Variants in SLC44A5 observed in about 807,000 individuals in gnomAD.
The protein encoded by SLC44A5 is solute carrier family 44 member 5.
In SLC44A5, 57 loss-of-function variants were observed where a neutral mutation model predicts 101.8. That is an observed-to-expected ratio of 0.56 (90% CI 0.45 to 0.70). The LOEUF (loss-of-function observed/expected upper bound fraction) is 0.70, where lower values mean the gene tolerates loss of function less well. Ranked by LOEUF, SLC44A5 falls within the 30% of genes least tolerant of loss-of-function variation. SLC44A5 has a pLI of 0.00. For missense variants in SLC44A5, 737 were observed against 853.1 expected, an observed-to-expected ratio of 0.86 and a Z score of 1.70; for synonymous variants, 281 against 290.9, an observed-to-expected ratio of 0.97 and a Z score of 0.35.
chr1:75,357,083 C>A, intron 3 of SLC44A5: 1 of 414,538 alleles, frequency 2.4e-6, no homozygotes. Context: ...CTCAACTCTT[C>A]TCCTAAGAAC....
intron 2 of SLC44A5, among the ~76,000 whole-genome samples, chr1:75,504,433 A>G (rs1290117621): frequency 6.6e-6 from 1 of 152,090 alleles, no homozygotes; most frequent in Non-Finnish European, 1.5e-5. Context: ...TCATATAATG[A>G]TGTGTATATT....
intron 12 of SLC44A5, among the ~76,000 whole-genome samples, chr1:75,232,662 C>A (rs1219469015): frequency 6.6e-6 from 1 of 152,022 alleles, no homozygotes; most frequent in Non-Finnish European, 1.5e-5. Flanking sequence ...AACAATAACC[C>A]AATGCATACT....
At chr1:75,642,188 C>G in the SLC44A5 span, 1 of 621,050 alleles carries the variant, frequency 1.6e-6, no homozygotes, top group Non-Finnish European at 2.7e-6. Context: ...TGTTAGCTGA[C>G]ACACAGGTCT....
At chr1:75,398,169 A>G (rs1440109042) in intron 2 of SLC44A5, among the ~76,000 whole-genome samples, 1 of 152,160 alleles carries the variant, frequency 6.6e-6, no homozygotes, top group Non-Finnish European at 1.5e-5. Context: ...TGTTCCGAAT[A>G]CATTTTTAAA....
intron 8 of SLC44A5, among the ~76,000 whole-genome samples, chr1:75,242,574 A>T (rs1364700416): frequency 1.3e-5 from 2 of 152,086 alleles, no homozygotes; most frequent in Non-Finnish European, 2.9e-5. Flanking sequence ...CGAAATGGTG[A>T]TTGCAAATGA....
intron 2 of SLC44A5, among the ~76,000 whole-genome samples, chr1:75,537,375 C>T (rs2101940456): frequency 6.6e-6 from 1 of 152,190 alleles, no homozygotes; most frequent in African/African-American, 2.4e-5. Flanking sequence ...CTACTGAGTC[C>T]ATTTCTTTTG....
Position 75,431,003 on chromosome 1 carries a change from C to T in SLC44A5, c.14-34382G>A, listed in dbSNP as rs181910324. Reference sequence around the variant, plus strand: ...AGCAGCAATGGACACTACAATAAAGCGATGAATCTTTACCAGTGATTAAGA... The same window carrying T: ...AGCAGCAATGGACACTACAATAAAGTGATGAATCTTTACCAGTGATTAAGA... On this transcript the variant is annotated intron_variant, in intron 2 of 23. Coordinates refer to ENST00000370859, the MANE Select transcript of SLC44A5 (RefSeq NM_001130058.2). 3.3e-5 allele frequency among the ~76,000 whole-genome samples: 5 copies of T among 152,194 alleles called. No homozygotes were observed. The East Asian group carries it at 9.7e-4, about 29-fold the overall frequency.
chr1:75,607,229 T>C (rs1424530763), intron 1 of SLC44A5, among the ~76,000 whole-genome samples: 3 of 152,072 alleles, frequency 2.0e-5, no homozygotes, highest in Non-Finnish European at 4.4e-5. Context: ...CTTCTCTTAG[T>C]TGTTTAGGTC....
At chr1:75,681,953 A>G in the SLC44A5 span, among the ~76,000 whole-genome samples, 4 of 152,206 alleles carry the variant, frequency 2.6e-5, no homozygotes, top group Non-Finnish European at 5.9e-5. Context: ...AAGCATTCCT[A>G]TACACCAACA....
At chr1:75,567,785 G>A (rs1274338501) in intron 1 of SLC44A5, among the ~76,000 whole-genome samples, 1 of 152,212 alleles carries the variant, frequency 6.6e-6, no homozygotes, top group Non-Finnish European at 1.5e-5. Flanking sequence ...ACAAAGGCCA[G>A]TTACGAGATT....
At chr1:75,219,671 G>A (rs1006200222) in intron 15 of SLC44A5, 129 bp downstream of exon 15, 1 of 637,978 alleles carries the variant, frequency 1.6e-6, no homozygotes, top group Non-Finnish European at 2.8e-6. Flanking sequence ...TTTAGAGCTT[G>A]GGAAAAAAAT....
the SLC44A5 span, among the ~76,000 whole-genome samples, chr1:75,685,195 A>C: frequency 6.6e-6 from 1 of 152,298 alleles, no homozygotes; most frequent in African/African-American, 2.4e-5. Context: ...GCCACAAAGC[A>C]CTGGGCCTAG....
intron 3 of SLC44A5, among the ~76,000 whole-genome samples, chr1:75,353,426 GA>G (rs1011675067): frequency 1.1e-4 from 16 of 152,272 alleles, no homozygotes; most frequent in Admixed American, 3.3e-4. Context: ...TCGAATTTAA[GA>G]GAGTCAACTT....
At chr1:75,330,544 G>C (rs1376484975) in intron 4 of SLC44A5, among the ~76,000 whole-genome samples, 2 of 152,054 alleles carry the variant, frequency 1.3e-5, no homozygotes, top group African/African-American at 4.8e-5. Context: ...TCTGGACTCT[G>C]TCTTTAGGAC....
chr1:75,537,033 A>AATATATATATATATATATATATAT (rs61399659), intron 2 of SLC44A5, among the ~76,000 whole-genome samples: 2 of 43,044 alleles, frequency 4.6e-5, no homozygotes, highest in African/African-American at 1.1e-4. Context: ...AAAAAAAAAA[A>AATATATATATATATATATATATAT]ATATATATCT....
rs144411827 is a variant in SLC44A5, at chr1:75,478,989, G to A, written c.13+62446C>T. The stretch of plus-strand genomic sequence containing the variant: ...CACCACACCTATTCCAAAATTGACC[G>A]CATACTTGGAAGTAAAGCTGTCCTC... On this transcript the variant is annotated intron_variant, in intron 2 of 23. Transcript: ENST00000370859. 3.3e-3 allele frequency among the ~76,000 whole-genome samples: 509 copies of A among 152,132 alleles called. 6 individuals are homozygous for A. Among genetic ancestry groups the A allele is most frequent in the Middle Eastern group, 0.01 (3 of 294 alleles).
At chr1:75,398,844 G>C (rs1249781) in intron 2 of SLC44A5, among the ~76,000 whole-genome samples, 87,307 of 151,726 alleles carry the variant, frequency 0.58, 25,814 homozygotes, top group East Asian at 0.96. Flanking sequence ...TGGTGTCTGC[G>C]TAAGATACCA....
the SLC44A5 span, among the ~76,000 whole-genome samples, chr1:75,654,253 C>T: frequency 2.6e-5 from 4 of 152,244 alleles, no homozygotes; most frequent in South Asian, 2.1e-4. Flanking sequence ...AAAAGGTTCT[C>T]GCTTTAAAAC....
chr1:75,222,306 G>T, intron 14 of SLC44A5, 55 bp downstream of exon 14: 1 of 1,292,040 alleles, frequency 7.7e-7, no homozygotes, highest in South Asian at 1.2e-5. Context: ...AAGGGACAGT[G>T]ACTGATTTTA....
Sources: gnomAD v4.1 joint callset for allele counts (sites outside exome capture counted in the v4.1 genomes callset) on GRCh38, gnomAD v4.1.1 for gene constraint, MANE v1.5 for transcripts, NCBI Gene and HGNC (gene_info 2026-07-23, HGNC 2026-07-21) for gene names.